NCF2: variants seen among roughly 807,000 people sequenced by gnomAD.
NCF2 encodes neutrophil cytosol factor 2.
NCF2 carries 45 observed loss-of-function variants against 70.9 expected under a neutral mutation model. That is an observed-to-expected ratio of 0.63 (90% CI 0.50 to 0.81). NCF2 has a LOEUF of 0.81. Among genes scored for constraint, NCF2 ranks in the 40% least tolerant of loss-of-function variants. The pLI, the probability that NCF2 is intolerant of heterozygous loss-of-function variation, is 0.00. For synonymous variants in NCF2, 203 were observed against 233.6 expected (o/e 0.87, Z 1.19); for missense variants, 522 against 631.6 (o/e 0.83, Z 1.86).
chr1:183,556,011 AC>A lies in NCF2; in HGVS notation c.*106del. The A allele has an allele frequency of 1.1e-6, 1 of 931,524 alleles. No homozygotes were observed. The highest frequency in any genetic ancestry group is 1.7e-6 in the Non-Finnish European group (1 of 573,116). 57.7% of individuals were successfully genotyped at this position (931,524 alleles called of 1,614,324 possible). ...TTTTAACAGGGAATAAATAGTTAAC[AC>A]TTCCAAACTGTAATGTCTCAGTACA... On this transcript the variant is annotated 3_prime_UTR_variant, in exon 15 of 15. Coordinates refer to ENST00000367535, the MANE Select transcript of NCF2 (RefSeq NM_000433.4).
chr1:183,580,034 T>C (rs1051329021), intron 2 of NCF2, among the ~76,000 whole-genome samples: 3 of 152,158 alleles, frequency 2.0e-5, no homozygotes, highest in Non-Finnish European at 4.4e-5. Flanking sequence ...CTCATGGAAG[T>C]TTAGAGCTGA....
chr1:183,570,688 C>A (rs763616874), intron 6 of NCF2, 92 bp downstream of exon 6: 1 of 1,354,372 alleles, frequency 7.4e-7, no homozygotes, highest in Admixed American at 1.8e-5. Flanking sequence ...CCCTTACAAT[C>A]AGGCAACTCA....
intron 2 of NCF2, among the ~76,000 whole-genome samples, chr1:183,581,834 A>AT (rs1673119683): frequency 6.6e-6 from 1 of 151,922 alleles, no homozygotes; most frequent in Non-Finnish European, 1.5e-5. Context: ...CGCCCGGCTA[A>AT]TTTTTTGTGT....
chr1:183,560,120 C>G lies in NCF2; in HGVS notation c.1444G>C (p.Asp482His). The change falls in exon 14 of 15, where the codon GAT becomes CAT. Residue 482 changes from aspartate (D) to histidine (H), a missense_variant. By Grantham distance (81) the Asp-to-His change is moderately conservative (BLOSUM62 -1). Transcript: ENST00000367535. ...CCCTTTGATAACACCAGGATTATAT[C>G]CCCTTCCTGAAACTCCAGGTCCTCT... ...QPEDLEFQEG[D>H]IILVLSKVNE... is the part of the protein sequence containing the mutation. 6.2e-7 allele frequency: 1 copy of G among 1,614,124 alleles called. No homozygotes were observed. Among genetic ancestry groups the G allele is most frequent in the East Asian group, 2.2e-5 (1 of 44,884 alleles).
intron 2 of NCF2, among the ~76,000 whole-genome samples, chr1:183,586,236 A>G (rs1019893785): frequency 7.2e-5 from 11 of 152,336 alleles, no homozygotes; most frequent in African/African-American, 2.6e-4. Context: ...CGGGAGGGTA[A>G]GCCAGGAGAA....
intron 7 of NCF2, among the ~76,000 whole-genome samples, chr1:183,568,064 G>C (rs980539733): frequency 2.0e-5 from 3 of 151,914 alleles, no homozygotes; most frequent in Admixed American, 2.0e-4. Context: ...TCCAGACATC[G>C]TGCCTACTCC....
intron 2 of NCF2, among the ~76,000 whole-genome samples, chr1:183,581,588 CA>C (rs1033827424): frequency 1.3e-5 from 2 of 151,918 alleles, no homozygotes; most frequent in African/African-American, 4.8e-5. Context: ...CTCAGCCTCC[CA>C]AAGTACAAAG....
the NCF2 span, among the ~76,000 whole-genome samples, chr1:183,596,835 T>C: frequency 6.6e-6 from 1 of 152,342 alleles, no homozygotes; most frequent in East Asian, 1.9e-4. Context: ...ACTCACATCC[T>C]ACGTAAAGTC....
At chr1:183,583,017 T>TA (rs1313376651) in intron 2 of NCF2, among the ~76,000 whole-genome samples, 1 of 151,980 alleles carries the variant, frequency 6.6e-6, no homozygotes, top group African/African-American at 2.4e-5. Flanking sequence ...CATAACATTA[T>TA]CAGCCTTAAA....
chr1:183,586,772 A>C, intron 2 of NCF2, 123 bp downstream of exon 2: 1 of 874,256 alleles, frequency 1.1e-6, no homozygotes. Context: ...TGTCCCCAGA[A>C]GGGCCAGTCA....
At chr1:183,588,673 T>C (rs948514714) in intron 1 of NCF2, among the ~76,000 whole-genome samples, 7 of 152,180 alleles carry the variant, frequency 4.6e-5, no homozygotes, top group Non-Finnish European at 1.0e-4. Context: ...ATGAATAGTA[T>C]ACAATTAAAA....
chr1:183,561,607 T>A (rs552548327), intron 13 of NCF2, among the ~76,000 whole-genome samples: 1 of 152,052 alleles, frequency 6.6e-6, no homozygotes, highest in Admixed American at 6.6e-5. Flanking sequence ...GCTTAATAAA[T>A]GTTAGTTCAT....
At position 183,555,942 on chromosome 1, in the gene NCF2, A is replaced by T. The variant is rs1298149134; in HGVS notation, c.*176T>A. 1.5e-6 allele frequency: 1 copy of T among 659,836 alleles called. No individual in the cohort carries two copies. Among genetic ancestry groups the T allele is most frequent in the Non-Finnish European group, 2.7e-6 (1 of 368,474 alleles). 40.9% of individuals were successfully genotyped at this position (659,836 alleles called of 1,614,324 possible). A position where few individuals can be genotyped will look rare whatever the true frequency, so the allele number is the denominator to read the frequency against. On this transcript the variant is annotated 3_prime_UTR_variant, in exon 15 of 15. Transcript: ENST00000367535. ...CCCATCTCCTCACCCACTGTGCCCC[A>T]GGAAATCATCCTGGGTACTCACATC...
At chr1:183,563,675 G>C in intron 11 of NCF2, 90 bp from the exon 12 acceptor site, 1 of 1,527,984 alleles carries the variant, frequency 6.5e-7, no homozygotes, top group Admixed American at 1.7e-5. Context: ...TTTGGCACAG[G>C]GGGTACCCAA....
chr1:183,599,482 C>CTTTCT, the NCF2 span, among the ~76,000 whole-genome samples: 51 of 73,032 alleles, frequency 7.0e-4, no homozygotes, highest in Non-Finnish European at 1.2e-3. Flanking sequence ...TTCTTTCTTT[C>CTTTCT]TCTTTTCTTT....
At chr1:183,580,506 C>T (rs891674386) in intron 2 of NCF2, among the ~76,000 whole-genome samples, 2 of 152,168 alleles carry the variant, frequency 1.3e-5, no homozygotes, top group South Asian at 4.1e-4. Flanking sequence ...TGGGAGCTCG[C>T]TGAAGGTCTC....
rs183956204 is a variant in NCF2 at position 183,579,602 on chromosome 1, G to A, written c.258-1895C>T. The stretch of plus-strand genomic sequence containing the variant: ...AAAAAAATAAAAATTAGCTGGGCAT[G>A]GTGGTGGGCGCCTGTAGTCCCAGCT... On this transcript the variant is annotated intron_variant, in intron 2 of 14. Transcript: ENST00000367535. 2.2e-4 allele frequency among the ~76,000 whole-genome samples: 33 copies of A among 152,046 alleles called. No individual in the cohort carries two copies. In the East Asian group the frequency reaches 5.8e-3, roughly 27 times the overall value.
At chr1:183,561,639 T>C (rs913535485) in intron 13 of NCF2, among the ~76,000 whole-genome samples, 2 of 143,886 alleles carry the variant, frequency 1.4e-5, no homozygotes, top group African/African-American at 2.8e-5. Flanking sequence ...TTCTTTTCTT[T>C]TCTTTTTTTT....
intron 4 of NCF2, among the ~76,000 whole-genome samples, chr1:183,573,502 G>A (rs1287025063): frequency 6.6e-6 from 1 of 152,156 alleles, no homozygotes; most frequent in East Asian, 1.9e-4. Context: ...GGACATTGCT[G>A]CTATTTGTTG....
Sources: gnomAD v4.1 joint callset for allele counts (sites outside exome capture counted in the v4.1 genomes callset) on GRCh38, gnomAD v4.1.1 for gene constraint, MANE v1.5 for transcripts, NCBI Gene and HGNC (gene_info 2026-07-23, HGNC 2026-07-21) for gene names.